Variants in ARHGEF3 observed in about 807,000 individuals in gnomAD.
ARHGEF3 encodes Rho guanine nucleotide exchange factor 3.
ARHGEF3 carries 28 observed loss-of-function variants against 63.2 expected under a neutral mutation model. The ratio of observed to expected loss-of-function variants is 0.44; its 90% CI spans 0.33 to 0.61. The LOEUF (loss-of-function observed/expected upper bound fraction) is 0.61. Among genes scored for constraint, ARHGEF3 ranks in the 20% least tolerant of loss-of-function variants. The pLI, the probability that ARHGEF3 is intolerant of heterozygous loss-of-function variation, is 0.03. For missense variants in ARHGEF3, 533 were observed against 659.3 expected (o/e 0.81, Z 2.10); for synonymous variants, 266 against 254.2 (o/e 1.05, Z -0.44).
chr3:56,986,801 C>T (rs1239215933), intron 2 of ARHGEF3, among the ~76,000 whole-genome samples: 5 of 108,230 alleles, frequency 4.6e-5, no homozygotes, highest in Non-Finnish European at 8.2e-5. Context: ...TAAACGCATG[C>T]GAATTTTGAA....
chr3:57,074,530 G>T (rs182458455), intron 1 of ARHGEF3: 15 of 479,934 alleles, frequency 3.1e-5, no homozygotes, highest in African/African-American at 2.7e-4. Context: ...AGCCCCCGGG[G>T]AACCTTCACT....
intron 2 of ARHGEF3, among the ~76,000 whole-genome samples, chr3:56,984,251 G>A (rs1392314032): frequency 1.3e-5 from 2 of 152,118 alleles, no homozygotes; most frequent in African/African-American, 2.4e-5. Context: ...ATTTTCCCCT[G>A]TGTTTACTTA....
At chr3:56,970,460 C>G (rs1396127139) in intron 2 of ARHGEF3, among the ~76,000 whole-genome samples, 1 of 152,106 alleles carries the variant, frequency 6.6e-6, no homozygotes, top group Non-Finnish European at 1.5e-5. Context: ...TTTATCAGTA[C>G]TTGTGAGAAA....
At chr3:56,925,354 C>A (rs1221704674) in intron 3 of ARHGEF3, among the ~76,000 whole-genome samples, 1 of 152,204 alleles carries the variant, frequency 6.6e-6, no homozygotes, top group Non-Finnish European at 1.5e-5. Context: ...ACCCTAGACA[C>A]TGTAATAAAT....
intron 4 of ARHGEF3, among the ~76,000 whole-genome samples, chr3:56,850,035 C>T (rs553405052): frequency 2.6e-5 from 4 of 152,166 alleles, no homozygotes; most frequent in East Asian, 3.9e-4. Context: ...ACCCTTCCCC[C>T]GCACCCACCA....
At chr3:56,909,511 C>T (rs1348704000) in intron 3 of ARHGEF3, among the ~76,000 whole-genome samples, 1 of 152,234 alleles carries the variant, frequency 6.6e-6, no homozygotes, top group Non-Finnish European at 1.5e-5. Context: ...ATCAGAAGAT[C>T]ACAAGCATTT....
At chr3:57,063,154 G>A (rs534364073) in intron 1 of ARHGEF3, among the ~76,000 whole-genome samples, 35 of 152,212 alleles carry the variant, frequency 2.3e-4, no homozygotes, top group Non-Finnish European at 4.1e-4. Flanking sequence ...GGAATAGCAG[G>A]TGCAAAGGCC....
At position 56,750,302 on chromosome 3, in the gene ARHGEF3, G is replaced by A. The variant is rs375581759; in HGVS notation, c.612+754C>T. Among the ~76,000 whole-genome samples the A allele has an allele frequency of 4.6e-5, 7 of 152,270 alleles. No individual in the cohort carries two copies. The East Asian group carries it at 5.8e-4, about 13-fold the overall frequency. ...AATAAGAGCACACGCCTTGTCTAGCGTAAGTGAAACAAACAACTTTAAGTA... is the reference window on the plus strand; with the variant it reads ...AATAAGAGCACACGCCTTGTCTAGCATAAGTGAAACAAACAACTTTAAGTA... On this transcript the variant is annotated intron_variant, in intron 6 of 9. Transcript: ENST00000296315.
intron 2 of ARHGEF3, among the ~76,000 whole-genome samples, chr3:56,764,808 A>T (rs2035615052): frequency 6.6e-6 from 1 of 150,846 alleles, no homozygotes; most frequent in South Asian, 2.1e-4. Flanking sequence ...CCAGGCTGGA[A>T]TGAAGTGGCA....
intron 2 of ARHGEF3, among the ~76,000 whole-genome samples, chr3:57,026,792 C>T (rs1284999104): frequency 6.6e-6 from 1 of 152,214 alleles, no homozygotes; most frequent in East Asian, 1.9e-4. Flanking sequence ...TGTCTTTAAA[C>T]ACTTCTCGAT....
chr3:56,931,463 C>T (rs974696340), intron 3 of ARHGEF3, among the ~76,000 whole-genome samples: 2 of 150,766 alleles, frequency 1.3e-5, no homozygotes, highest in Non-Finnish European at 2.9e-5. Context: ...GCAGTCCCAG[C>T]TACTAGGGAG....
chr3:56,940,627 T>C (rs1053697060), intron 3 of ARHGEF3: 1 of 151,870 alleles, frequency 6.6e-6, no homozygotes, highest in African/African-American at 2.4e-5. Context: ...TGAAGGGAAA[T>C]GAGACAAGCA....
intron 1 of ARHGEF3, among the ~76,000 whole-genome samples, chr3:57,041,881 C>T (rs1047633167): frequency 2.6e-5 from 4 of 152,144 alleles, no homozygotes; most frequent in South Asian, 2.1e-4. Context: ...CCAAGCCACC[C>T]GCTCCAGATG....
chr3:56,885,483 C>T (rs2040892962), intron 3 of ARHGEF3, among the ~76,000 whole-genome samples: 1 of 152,140 alleles, frequency 6.6e-6, no homozygotes, highest in African/African-American at 2.4e-5. Context: ...GCTACAGTTC[C>T]ATTCCTTGAG....
chr3:56,923,055 TATATATATATATATATATATAA>T (rs1382362935), intron 3 of ARHGEF3, among the ~76,000 whole-genome samples: 2 of 15,548 alleles, frequency 1.3e-4, no homozygotes, highest in Admixed American at 1.2e-3. Flanking sequence ...TATATATATA[TATATATATATATATATATATAA>T]ATTAGTTGGG....
intron 1 of ARHGEF3, among the ~76,000 whole-genome samples, chr3:57,054,466 C>G (rs928469670): frequency 3.7e-5 from 5 of 133,816 alleles, no homozygotes; most frequent in Non-Finnish European, 8.1e-5. Flanking sequence ...CCTATCTCTA[C>G]AAAAAATACG....
intron 3 of ARHGEF3, chr3:56,916,455 C>A: frequency 7.0e-7 from 1 of 1,425,616 alleles, no homozygotes; most frequent in South Asian, 1.5e-5. Flanking sequence ...AACTCCTCCC[C>A]GCCACTTGGG....
At chr3:56,938,708 G>A (rs1250103778) in intron 3 of ARHGEF3, 1 of 152,236 alleles carries the variant, frequency 6.6e-6, no homozygotes. Context: ...AAATTAGCCA[G>A]CTGTTCATCC....
rs1272869618 is a variant in ARHGEF3, at chr3:56,732,303, T to A, written c.1163A>T (p.Asp388Val). ...CAGCCTCACTTCTCCATCCTGGAGG[T>A]CTTCCAGCAGGAGGTCTTTCACGGG... ...PIPVKDLLLE[D>V]LQDGEVRLGG... Residue 388 changes from aspartate (D) to valine (V), a missense_variant, in exon 9 of 10, where the codon GAC (aspartate) becomes GTC (valine). Physicochemically the swap from Asp to Val is radical, Grantham distance 152. Around this residue, in one of 4 missense-constraint regions of ARHGEF3, gnomAD observed 151 missense variants for 190.7 expected, o/e 0.79. Transcript: ENST00000296315. The A allele has an allele frequency of 1.9e-6, 3 of 1,613,950 alleles. No individual in the cohort carries two copies. Among genetic ancestry groups the A allele is most frequent in the Non-Finnish European group, 2.5e-6 (3 of 1,180,024 alleles).
Sources: gnomAD v4.1 joint callset for allele counts (sites outside exome capture counted in the v4.1 genomes callset) on GRCh38, gnomAD v4.1.1 for gene constraint, gnomAD v4.1.1 regional missense constraint, MANE v1.5 for transcripts, NCBI Gene and HGNC (gene_info 2026-07-23, HGNC 2026-07-21) for gene names.